DLG2: variants seen among roughly 807,000 people sequenced by gnomAD.
DLG2 encodes the protein disks large homolog 2.
DLG2 carries 45 observed loss-of-function variants against 132.5 expected under a neutral mutation model. That is an observed-to-expected ratio of 0.34 (90% confidence interval 0.27 to 0.44). The LOEUF (loss-of-function observed/expected upper bound fraction) is 0.44, where lower values mean the gene tolerates loss of function less well. Ranked by LOEUF, DLG2 falls within the 20% of genes least tolerant of loss-of-function variation. DLG2 has a pLI of 1.00. For synonymous variants in DLG2, 424 were observed against 419.6 expected (o/e 1.01, Z -0.13); for missense variants, 1,045 against 1,196.9 (o/e 0.87, Z 1.87).
At chr11:85,214,914 G>A (rs2082483419) in intron 4 of DLG2, among the ~76,000 whole-genome samples, 1 of 152,004 alleles carries the variant, frequency 6.6e-6, no homozygotes, top group Admixed American at 6.6e-5. Context: ...GAGATTTGTG[G>A]GTAAGACAAA....
At chr11:85,249,121 G>C (rs903713425) in intron 4 of DLG2, among the ~76,000 whole-genome samples, 4 of 151,930 alleles carry the variant, frequency 2.6e-5, no homozygotes, top group Non-Finnish European at 5.9e-5. Context: ...TTGTAGGTTT[G>C]ACAAATCCTG....
At chr11:83,621,244 AATTCCCT>A (rs2061593900) in intron 19 of DLG2, among the ~76,000 whole-genome samples, 1 of 152,164 alleles carries the variant, frequency 6.6e-6, no homozygotes, top group Admixed American at 6.5e-5. Context: ...TTTAGTTGTC[AATTCCCT>A]ATCAACGCCA....
rs368204443 is a variant in DLG2, at chr11:85,541,699, A to C, written c.40+56958T>G. 3.9e-5 allele frequency among the ~76,000 whole-genome samples: 6 copies of C among 152,204 alleles called. No individual in the cohort carries two copies. In the South Asian group the frequency reaches 1.2e-3, roughly 32 times the overall value. On this transcript the variant is annotated intron_variant, in intron 3 of 27. Transcript: ENST00000376104. Reference sequence around the variant, plus strand: ...CATAGAAAATTACTTCTAAGGATTAAAATTTTGATCCACCACCTTCTAATT... The same window carrying C: ...CATAGAAAATTACTTCTAAGGATTACAATTTTGATCCACCACCTTCTAATT...
Position 83,733,984 on chromosome 11 carries a change from A to G in DLG2, c.1825+52706T>C, listed in dbSNP as rs1449152795. ...CCACTCTGTATGTCCACATGCACAC[A>G]TTATTTAGCTCCTACTTATCAGTGA... On this transcript the variant is annotated intron_variant, in intron 18 of 27. Transcript: ENST00000376104. Among the ~76,000 whole-genome samples, 15 of 144,416 alleles carry G rather than the reference A, an allele frequency of 1.0e-4. No homozygotes were observed. The Admixed American group carries it at 1.1e-3, about 10-fold the overall frequency. 94.7% of individuals were successfully genotyped at this position (144,416 alleles called of 152,430 possible).
At chr11:84,241,648 A>T (rs1281905684) in intron 8 of DLG2, among the ~76,000 whole-genome samples, 1 of 152,148 alleles carries the variant, frequency 6.6e-6, no homozygotes, top group Non-Finnish European at 1.5e-5. Context: ...ATTCATGCTA[A>T]ATGTCTGATC....
At chr11:84,205,561 A>T (rs1198890004) in intron 8 of DLG2, among the ~76,000 whole-genome samples, 1 of 152,076 alleles carries the variant, frequency 6.6e-6, no homozygotes, top group Non-Finnish European at 1.5e-5. Context: ...AAATTAAAAA[A>T]AAAAACAAAA....
intron 6 of DLG2, among the ~76,000 whole-genome samples, chr11:84,692,969 A>G (rs1481092700): frequency 6.6e-6 from 1 of 151,806 alleles, no homozygotes; most frequent in African/African-American, 2.4e-5. Context: ...GCTGAAAGCC[A>G]CATTCTTAAT....
intron 18 of DLG2, among the ~76,000 whole-genome samples, chr11:83,718,473 G>A (rs1396791888): frequency 2.2e-5 from 3 of 136,742 alleles, no homozygotes; most frequent in Non-Finnish European, 4.6e-5. Context: ...GCAGTGGGCC[G>A]AGATTGTGCC....
At chr11:84,150,718 G>C (rs2095266770) in intron 9 of DLG2, among the ~76,000 whole-genome samples, 1 of 152,046 alleles carries the variant, frequency 6.6e-6, no homozygotes, top group Admixed American at 6.6e-5. Flanking sequence ...TTCCAGCTTT[G>C]TCCATGTCAT....
At chr11:85,410,683 A>T (rs1300645089) in intron 3 of DLG2, among the ~76,000 whole-genome samples, 3 of 151,856 alleles carry the variant, frequency 2.0e-5, no homozygotes, top group African/African-American at 7.2e-5. Context: ...AACGCTGAAA[A>T]TGTGCATATT....
In DLG2 at chr11:85,291,091, T is replaced by C. The variant is rs368134703; in HGVS notation, c.41-5726A>G. Among the ~76,000 whole-genome samples, 6 of 152,226 alleles carry C rather than the reference T, an allele frequency of 3.9e-5. No homozygotes were observed. In the East Asian group the frequency reaches 9.7e-4, roughly 25 times the overall value. On this transcript the variant is annotated intron_variant, in intron 3 of 27. Transcript: ENST00000376104. ...ATGAGATTTTTAAGGTCCTTGGAAA[T>C]GGTAAATATTTTTCTCTTGAAAGGA...
chr11:83,602,431 G>C (rs2058705086), intron 19 of DLG2, among the ~76,000 whole-genome samples: 1 of 152,244 alleles, frequency 6.6e-6, no homozygotes, highest in Non-Finnish European at 1.5e-5. Context: ...CTTGTGGAGA[G>C]TTACAACAAA....
intron 18 of DLG2, among the ~76,000 whole-genome samples, chr11:83,646,443 G>A (rs1264943943): frequency 6.6e-6 from 1 of 152,026 alleles, no homozygotes; most frequent in East Asian, 1.9e-4. Flanking sequence ...AATTTCTTCT[G>A]TTCTTTTGGT....
At chr11:85,551,387 G>C (rs980779052) in intron 3 of DLG2, among the ~76,000 whole-genome samples, 1 of 151,974 alleles carries the variant, frequency 6.6e-6, no homozygotes, top group African/African-American at 2.4e-5. Context: ...TTTTTTTCTA[G>C]TCATGATTAG....
At chr11:85,228,637 C>T (rs887175439) in intron 4 of DLG2, among the ~76,000 whole-genome samples, 1 of 151,950 alleles carries the variant, frequency 6.6e-6, no homozygotes, top group African/African-American at 2.4e-5. Context: ...AATATAGCTA[C>T]TCAGCTTTTC....
intron 18 of DLG2, among the ~76,000 whole-genome samples, chr11:83,731,112 T>C (rs1029817222): frequency 6.6e-6 from 1 of 152,244 alleles, no homozygotes; most frequent in Non-Finnish European, 1.5e-5. Flanking sequence ...GTAATTTCCC[T>C]ACCTCAGTTC....
intron 6 of DLG2, among the ~76,000 whole-genome samples, chr11:84,726,612 C>T (rs1022078215): frequency 6.6e-6 from 1 of 152,046 alleles, no homozygotes; most frequent in African/African-American, 2.4e-5. Context: ...GATTTATAAT[C>T]CTTTGGGTAT....
chr11:84,514,756 C>T (rs1465327172), intron 7 of DLG2, among the ~76,000 whole-genome samples: 2 of 151,834 alleles, frequency 1.3e-5, no homozygotes, highest in African/African-American at 4.8e-5. Flanking sequence ...TTTGACAGCA[C>T]ATCAGGGGTA....
rs1245571037 is a variant in DLG2 at position 84,795,832 on chromosome 11, C to T, written c.358-261101G>A. Among the ~76,000 whole-genome samples the T allele has an allele frequency of 2.6e-5, 4 of 152,094 alleles. No homozygotes were observed. The East Asian group carries it at 7.7e-4, about 29-fold the overall frequency. On this transcript the variant is annotated intron_variant, in intron 6 of 27. Coordinates refer to ENST00000376104, the MANE Select transcript of DLG2 (RefSeq NM_001142699.3). The stretch of plus-strand genomic sequence containing the variant: ...CCAAGTGCCACCATGTTCCCCGGTG[C>T]CCACCGTGAAAGCCACTTGTGGTAC...
Sources: gnomAD v4.1 joint callset for allele counts (sites outside exome capture counted in the v4.1 genomes callset) on GRCh38, gnomAD v4.1.1 for gene constraint, MANE v1.5 for transcripts, NCBI Gene and HGNC (gene_info 2026-07-23, HGNC 2026-07-21) for gene names.